OPRM1: variants seen among roughly 807,000 people sequenced by gnomAD.
The protein encoded by OPRM1 is opioid receptor mu 1, also known as mu-type opioid receptor.
In OPRM1, 27 loss-of-function variants were observed where a neutral mutation model predicts 31.8. The observed-to-expected ratio is 0.85, with a 90% CI of 0.63 to 1.17. The LOEUF (loss-of-function observed/expected upper bound fraction) is 1.17. Ranked by LOEUF, OPRM1 falls within the 50% of genes most tolerant of loss-of-function variation. OPRM1 has a pLI of 0.00. For missense variants in OPRM1, 536 were observed against 511.1 expected (o/e 1.05, Z -0.47); for synonymous variants, 196 against 189.9 (o/e 1.03, Z -0.26).
chr6:154,246,391 G>A (rs1781045450), intron 3 of OPRM1, among the ~76,000 whole-genome samples: 1 of 152,138 alleles, frequency 6.6e-6, no homozygotes, highest in African/African-American at 2.4e-5. Context: ...TAGTCAAACA[G>A]GATGGGTTTC....
intron 1 of OPRM1, among the ~76,000 whole-genome samples, chr6:154,023,073 CTCTT>C (rs1368607989): frequency 6.6e-6 from 1 of 152,132 alleles, no homozygotes; most frequent in Non-Finnish European, 1.5e-5. Flanking sequence ...ACGATTTTGT[CTCTT>C]TCTGTGAAGA....
chr6:154,184,486 T>A (rs1254914403), intron 3 of OPRM1, among the ~76,000 whole-genome samples: 1 of 152,080 alleles, frequency 6.6e-6, no homozygotes. Flanking sequence ...CTAATTCTAT[T>A]TACATTTTTT....
chr6:154,219,520 C>T (rs989980149), intron 3 of OPRM1, among the ~76,000 whole-genome samples: 10 of 152,084 alleles, frequency 6.6e-5, no homozygotes, highest in South Asian at 4.1e-4. Flanking sequence ...GGCTCAGCGG[C>T]GGACTGACCT....
intron 1 of OPRM1, among the ~76,000 whole-genome samples, chr6:154,077,412 C>T (rs1788093401): frequency 6.6e-6 from 1 of 151,344 alleles, no homozygotes; most frequent in Non-Finnish European, 1.5e-5. Context: ...GCCACTATGC[C>T]CAGCCTTCAA....
At chr6:154,159,660 C>T (rs898209990) in intron 3 of OPRM1, 1 of 628,354 alleles carries the variant, frequency 1.6e-6, no homozygotes, top group African/African-American at 1.8e-5. Context: ...AAATGAGGAG[C>T]CCTGGTGTAT....
At chr6:154,139,280 C>T (rs1798139237) in intron 3 of OPRM1, among the ~76,000 whole-genome samples, 1 of 152,142 alleles carries the variant, frequency 6.6e-6, no homozygotes, top group African/African-American at 2.4e-5. Flanking sequence ...ACTTGTGTCG[C>T]TGGTATCAGA....
At chr6:154,018,707 T>C (rs1778158222) in intron 1 of OPRM1, among the ~76,000 whole-genome samples, 1 of 152,188 alleles carries the variant, frequency 6.6e-6, no homozygotes, top group Non-Finnish European at 1.5e-5. Context: ...CCCCTGAGAA[T>C]ACTACTATCC....
At chr6:154,141,431 T>C (rs1224621134) in intron 3 of OPRM1, among the ~76,000 whole-genome samples, 1 of 152,214 alleles carries the variant, frequency 6.6e-6, no homozygotes, top group East Asian at 1.9e-4. Context: ...CTGGTGGTAT[T>C]CGCAGCAGCC....
chr6:154,090,886 G>A lies in OPRM1; in HGVS notation c.644-66G>A. 6.3e-6 allele frequency: 9 copies of A among 1,439,786 alleles called. No homozygotes were observed. In the Admixed American group the frequency reaches 1.2e-4, roughly 18 times the overall value. The allele number at this position is 1,439,786 out of a possible 1,614,324, so 89.2% of individuals were successfully genotyped here. On this transcript the variant is annotated intron_variant, in intron 2 of 3. Transcript: ENST00000330432. ...CTAAAAATGAATGAGCAAAATGGCA[G>A]TATTAACACCTTATGACATAATTAA...
chr6:154,234,794 T>A (rs1779984660), intron 3 of OPRM1, among the ~76,000 whole-genome samples: 3 of 152,356 alleles, frequency 2.0e-5, no homozygotes, highest in South Asian at 2.1e-4. Context: ...CTAGTGAACT[T>A]TCAGGTAGTC....
chr6:154,201,570 T>G (rs931809918), intron 3 of OPRM1, among the ~76,000 whole-genome samples: 1 of 152,158 alleles, frequency 6.6e-6, no homozygotes, highest in Non-Finnish European at 1.5e-5. Flanking sequence ...CATCATCCTA[T>G]GGGACATGCC....
intron 3 of OPRM1, among the ~76,000 whole-genome samples, chr6:154,140,506 T>C (rs1403272001): frequency 6.6e-6 from 1 of 152,064 alleles, no homozygotes; most frequent in African/African-American, 2.4e-5. Context: ...ATTTTTGTAT[T>C]TTTAGTTGAG....
chr6:154,057,007 T>G (rs1783441350), intron 1 of OPRM1, among the ~76,000 whole-genome samples: 2 of 152,212 alleles, frequency 1.3e-5, no homozygotes, highest in African/African-American at 4.8e-5. Flanking sequence ...TCAAATAGTC[T>G]TTCCTTCTGA....
In OPRM1 at chr6:154,125,039, A is replaced by G. The variant is rs1797510572; in HGVS notation, c.*6318A>G. On this transcript the variant is annotated 3_prime_UTR_variant, in exon 4 of 4. Transcript: ENST00000330432. ...ACAAGCAGCTACATTAGACAGTTTT[A>G]CAGCTCTGTATTTCAGGAAAACTTC... is the stretch of plus-strand genomic sequence containing the variant. 6.6e-6 allele frequency among the ~76,000 whole-genome samples: 1 copy of G among 152,090 alleles called. No individual in the cohort carries two copies. The highest frequency in any genetic ancestry group is 1.5e-5 in the Non-Finnish European group (1 of 68,034).
At chr6:154,023,434 G>A (rs549539124) in intron 1 of OPRM1, among the ~76,000 whole-genome samples, 11 of 152,016 alleles carry the variant, frequency 7.2e-5, no homozygotes, top group East Asian at 1.9e-4. Context: ...TTGTTGATGC[G>A]TTCTAGTTGT....
At chr6:154,053,047 C>T (rs778128304) in intron 1 of OPRM1, among the ~76,000 whole-genome samples, 3 of 152,162 alleles carry the variant, frequency 2.0e-5, no homozygotes, top group Non-Finnish European at 4.4e-5. Context: ...CATATCTAAC[C>T]CCCAACCCTT....
chr6:154,214,664 T>C (rs777191728), intron 3 of OPRM1, among the ~76,000 whole-genome samples: 136 of 152,344 alleles, frequency 8.9e-4, no homozygotes, highest in Middle Eastern at 6.8e-3. Context: ...AATAATGTCT[T>C]AATAATGTCA....
chr6:154,159,718 G>A, intron 3 of OPRM1: 5 of 783,720 alleles, frequency 6.4e-6, no homozygotes, highest in Non-Finnish European at 1.1e-5. Flanking sequence ...GGAAGCTGAT[G>A]CTTGAAGGAC....
intron 1 of OPRM1, 131 bp from the exon 2 acceptor site, chr6:154,089,695 C>A: frequency 3.1e-6 from 2 of 641,322 alleles, no homozygotes; most frequent in Non-Finnish European, 5.3e-6. Context: ...CAAGCTGATA[C>A]TGGAAAACAA....
Sources: gnomAD v4.1 joint callset for allele counts (sites outside exome capture counted in the v4.1 genomes callset) on GRCh38, gnomAD v4.1.1 for gene constraint, MANE v1.5 for transcripts, NCBI Gene and HGNC (gene_info 2026-07-23, HGNC 2026-07-21) for gene names.